Variants in DNAH3 observed in about 807,000 individuals in gnomAD.
The protein encoded by DNAH3 is dynein axonemal heavy chain 3, also known as axonemal beta dynein heavy chain 3.
Under a neutral mutation model 432.5 loss-of-function variants are expected in DNAH3, and 332 were observed. The observed-to-expected ratio is 0.77, with a 90% confidence interval of 0.70 to 0.84. DNAH3 has a LOEUF of 0.84. Ranked by LOEUF, DNAH3 falls within the 40% of genes least tolerant of loss-of-function variation. DNAH3 has a pLI of 0.00. For missense variants in DNAH3, 4,861 were observed against 5,114.0 expected (o/e 0.95, Z 1.51); for synonymous variants, 1,956 against 1,900.2 (o/e 1.03, Z -0.76).
intron 7 of DNAH3, among the ~76,000 whole-genome samples, chr16:21,129,816 A>T (rs975743791): frequency 5.3e-5 from 8 of 151,988 alleles, no homozygotes; most frequent in African/African-American, 1.9e-4. Flanking sequence ...GGTTTGTTAG[A>T]TTCAAACAAG....
At chr16:21,045,264 T>C (rs1181094286) in intron 31 of DNAH3, among the ~76,000 whole-genome samples, 1 of 151,854 alleles carries the variant, frequency 6.6e-6, no homozygotes, top group Non-Finnish European at 1.5e-5. Context: ...AGTTCCTCCT[T>C]GTACCTCTGG....
At chr16:20,942,714 G>A (rs372086151) in intron 58 of DNAH3, among the ~76,000 whole-genome samples, 1 of 152,062 alleles carries the variant, frequency 6.6e-6, no homozygotes, top group Non-Finnish European at 1.5e-5. Flanking sequence ...CCTGGAAGCC[G>A]GTCACTTTCT....
chr16:21,140,244 C>T lies in DNAH3; in HGVS notation c.696+292G>A, dbSNP rs139755211. Reference sequence around the variant, plus strand: ...CCATTTTTTGTCTTGCAAAATCTGGCACCCCCAGCCTATGGGCCACTATTT... The same window carrying T: ...CCATTTTTTGTCTTGCAAAATCTGGTACCCCCAGCCTATGGGCCACTATTT... On this transcript the variant is annotated intron_variant, in intron 5 of 61. Coordinates refer to ENST00000261383, the Ensembl canonical transcript of DNAH3. 1.6e-4 allele frequency: 39 copies of T among 239,814 alleles called. No individual in the cohort carries two copies. The East Asian group carries it at 3.1e-3, about 19-fold the overall frequency. The allele number at this position is 239,814 out of a possible 1,614,324, so 14.9% of individuals were successfully genotyped here. A position where few individuals can be genotyped will look rare whatever the true frequency, so the allele number is the denominator to read the frequency against.
intron 14 of DNAH3, among the ~76,000 whole-genome samples, chr16:21,106,928 C>T (rs555080921): frequency 6.6e-6 from 1 of 152,120 alleles, no homozygotes; most frequent in South Asian, 2.1e-4. Flanking sequence ...AAGTAGCACA[C>T]CCCATTCTAA....
intron 56 of DNAH3, among the ~76,000 whole-genome samples, chr16:20,952,062 G>A (rs1219186572): frequency 6.6e-6 from 1 of 152,032 alleles, no homozygotes; most frequent in African/African-American, 2.4e-5. Context: ...ATTTTTAGTA[G>A]AGATGGGGTT....
intron 58 of DNAH3, among the ~76,000 whole-genome samples, chr16:20,943,579 G>A (rs1045746631): frequency 2.6e-5 from 4 of 151,952 alleles, no homozygotes; most frequent in East Asian, 1.9e-4. Context: ...AGACAGTTTC[G>A]GGTCAGTGCC....
At chr16:21,029,178 T>A (rs952829440) in intron 37 of DNAH3, among the ~76,000 whole-genome samples, 1 of 152,216 alleles carries the variant, frequency 6.6e-6, no homozygotes, top group African/African-American at 2.4e-5. Flanking sequence ...TATAATATAG[T>A]CCATATCATG....
At chr16:21,075,528 T>C (rs746913965) in exon 21 of DNAH3, 2 of 1,614,016 alleles carry the variant, frequency 1.2e-6, no homozygotes, top group Admixed American at 3.3e-5. Context: ...CCAGAGAGTA[T>C]TCCTTGCTGG....
chr16:20,972,365 C>T (rs1304692150), intron 51 of DNAH3, among the ~76,000 whole-genome samples: 7 of 151,814 alleles, frequency 4.6e-5, no homozygotes, highest in East Asian at 3.9e-4. Flanking sequence ...TAGCTAAGAC[C>T]GCAGGTGTGC....
rs141394318 is a variant in DNAH3 at position 20,988,013 on chromosome 16, G to A, written c.6654C>T (p.Asp2218=). Reference sequence around the variant, plus strand: ...TCGAACTGAAAATCTTGGTTAAAATGTCATCCTCAAAGGCATTGATGGAAA... The same window carrying A: ...TCGAACTGAAAATCTTGGTTAAAATATCATCCTCAAAGGCATTGATGGAAA... Residue 2218 remains aspartate, a synonymous_variant, in exon 45 of 62, where the codon GAC becomes GAT. Transcript: ENST00000261383. The A allele has an allele frequency of 5.6e-6, 9 of 1,614,022 alleles. No homozygotes were observed. In the Admixed American group the frequency reaches 6.7e-5, roughly 12 times the overall value.
chr16:21,000,474 G>C (rs751069476), exon 43 of DNAH3: 2 of 1,613,532 alleles, frequency 1.2e-6, no homozygotes, highest in South Asian at 2.2e-5. Context: ...TCAAGAAGAA[G>C]GACTGCCGGG....
At chr16:20,943,764 T>C (rs1353033268) in intron 58 of DNAH3, among the ~76,000 whole-genome samples, 1 of 152,108 alleles carries the variant, frequency 6.6e-6, no homozygotes, top group African/African-American at 2.4e-5. Flanking sequence ...GCAGATTGCT[T>C]GAGCCCAGGA....
chr16:21,079,409 A>C (rs899398067), intron 20 of DNAH3, among the ~76,000 whole-genome samples: 5 of 152,206 alleles, frequency 3.3e-5, no homozygotes, highest in African/African-American at 9.6e-5. Flanking sequence ...GGATCACCTG[A>C]GGTCAGGAGT....
exon 6 of DNAH3, chr16:21,136,490 A>G (rs1203658080): frequency 6.2e-7 from 1 of 1,614,030 alleles, no homozygotes; most frequent in Admixed American, 1.7e-5. Flanking sequence ...TGCGAATTCC[A>G]TTGGTCAGAT....
chr16:21,057,717 G>C (rs74943127), intron 27 of DNAH3, among the ~76,000 whole-genome samples: 14,099 of 152,200 alleles, frequency 0.093, 799 homozygotes, highest in South Asian at 0.19. Context: ...TAGGGGTGAT[G>C]AGAAGGAGGC....
Position 21,136,310 on chromosome 16 carries a change from C to T in DNAH3, c.886+14G>A, listed in dbSNP as rs539699176. On this transcript the variant is annotated intron_variant, in intron 6 of 61. Coordinates refer to ENST00000261383, the Ensembl canonical transcript of DNAH3. Reference sequence around the variant, plus strand: ...TAGAAGCTCCCCAGCCCCCTTTATGCCCACCAGCCTTACCGATGCTTTTCA... The same window carrying T: ...TAGAAGCTCCCCAGCCCCCTTTATGTCCACCAGCCTTACCGATGCTTTTCA... 15 of 1,612,200 alleles carry T rather than the reference C, an allele frequency of 9.3e-6. No individual in the cohort carries two copies. In the African/African-American group the frequency reaches 1.1e-4, roughly 11 times the overall value.
chr16:21,007,811 C>G (rs1438428634), intron 41 of DNAH3, among the ~76,000 whole-genome samples: 1 of 152,108 alleles, frequency 6.6e-6, no homozygotes, highest in African/African-American at 2.4e-5. Flanking sequence ...ATGTTTTCTT[C>G]TAAGAGTTTT....
intron 15 of DNAH3, 27 bp from the exon 16 acceptor site, chr16:21,104,621 G>A: frequency 7.3e-7 from 1 of 1,369,332 alleles, no homozygotes; most frequent in Non-Finnish European, 1.0e-6. Flanking sequence ...GCCTGCTCCA[G>A]GACACTGTTT....
chr16:21,019,644 T>C (rs1567645612), exon 41 of DNAH3: 1 of 1,613,994 alleles, frequency 6.2e-7, no homozygotes, highest in South Asian at 1.1e-5. Flanking sequence ...AAAGATGTTG[T>C]TTTTGGTGAG....
Sources: allele counts gnomAD v4.1 joint callset (sites outside exome capture counted in the v4.1 genomes callset), GRCh38; gene constraint gnomAD v4.1.1; transcripts MANE v1.5; gene names NCBI Gene and HGNC (gene_info 2026-07-23, HGNC 2026-07-21).